The following MTHFS variants were observed in gnomAD, a reference collection of about 807,000 sequenced individuals.
The protein encoded by MTHFS is methenyltetrahydrofolate synthetase, also known as 5-formyltetrahydrofolate cyclo-ligase.
A neutral mutation model predicts 12.7 loss-of-function variants in MTHFS; 7 were observed. That is an observed-to-expected ratio of 0.55 (90% CI 0.31 to 1.03). The LOEUF is 1.03. Among genes scored for constraint, MTHFS ranks in the 50% least tolerant of loss-of-function variants. The pLI is 0.05. For missense variants in MTHFS, 252 were observed against 258.1 expected (o/e 0.98, Z 0.16); for synonymous variants, 100 against 97.1 (o/e 1.03, Z -0.18).
At chr15:79,862,477 G>A (rs2033933798) in intron 2 of MTHFS, among the ~76,000 whole-genome samples, 1 of 152,154 alleles carries the variant, frequency 6.6e-6, no homozygotes, top group South Asian at 2.1e-4. Context: ...GTGAGCAGCA[G>A]GACAATTCTT....
intron 1 of MTHFS, 103 bp from the exon 2 acceptor site, chr15:79,889,457 ATT>A: frequency 4.4e-6 from 6 of 1,349,338 alleles, no homozygotes; most frequent in East Asian, 2.7e-5. Context: ...TTCTTTAAAT[ATT>A]AAAAAGAAAA....
In MTHFS at chr15:79,845,415, C is replaced by A. The variant is rs2033594671; in HGVS notation, c.407G>T (p.Gly136Val). The A allele has an allele frequency of 6.2e-7, 1 of 1,613,936 alleles. No homozygotes were observed. The highest frequency in any genetic ancestry group is 1.3e-5 in the African/African-American group (1 of 74,870). ...TGGLDLIFMP[G>V]LGFDKHGNRL... ...GTTGCCATGTTTGTCAAACCCAAGG[C>A]CTGGCATGAAGATGAGATCAAGTCC... Residue 136 changes from glycine to valine, a missense_variant, in exon 3 of 3, where the codon GGC (glycine) becomes GTC (valine). Physicochemically the swap from Gly to Val is moderately radical, Grantham distance 109. Transcript: ENST00000258874.
chr15:79,855,072 C>A (rs2033776232), intron 2 of MTHFS, among the ~76,000 whole-genome samples: 5 of 152,134 alleles, frequency 3.3e-5, no homozygotes, highest in Admixed American at 3.3e-4. Flanking sequence ...TGAATCACTG[C>A]AACAGACACT....
intron 2 of MTHFS, among the ~76,000 whole-genome samples, chr15:79,859,958 A>G (rs770545509): frequency 2.0e-5 from 3 of 152,218 alleles, no homozygotes; most frequent in Non-Finnish European, 4.4e-5. Flanking sequence ...TATAAACTCA[A>G]GTGAAGTAAG....
chr15:79,862,517 A>AT (rs2033934452), intron 2 of MTHFS, among the ~76,000 whole-genome samples: 2 of 152,208 alleles, frequency 1.3e-5, no homozygotes, highest in Non-Finnish European at 2.9e-5. Context: ...CTCATTGATC[A>AT]TATCAGCCCT....
intron 2 of MTHFS, among the ~76,000 whole-genome samples, chr15:79,858,015 C>CAAAAAAA (rs71453466): frequency 1.3e-4 from 8 of 59,462 alleles, no homozygotes; most frequent in African/African-American, 1.9e-4. Context: ...GACTCCATCT[C>CAAAAAAA]AAAAAAAAAA....
intron 2 of MTHFS, among the ~76,000 whole-genome samples, chr15:79,879,321 CTTTTTTTTTTT>C (rs565488885): frequency 1.3e-5 from 1 of 79,330 alleles, no homozygotes; most frequent in Non-Finnish European, 2.3e-5. Context: ...AATTATTACC[CTTTTTTTTTTT>C]TTTTTTTTTT....
At chr15:79,855,907 C>T (rs572341102) in intron 2 of MTHFS, among the ~76,000 whole-genome samples, 19 of 152,284 alleles carry the variant, frequency 1.2e-4, no homozygotes, top group South Asian at 4.1e-4. Flanking sequence ...TTTCTTTATT[C>T]AGTCCACTAT....
rs931571401 is a variant in MTHFS, at chr15:79,894,012, G to GAAAC, written c.117+2859_117+2860insGTTT. On this transcript the variant is annotated intron_variant, in intron 1 of 2. Coordinates refer to ENST00000258874, the MANE Select transcript of MTHFS (RefSeq NM_006441.4). ...ATGGCAAAACACTACACAGTACACT[G>GAAAC]ATGTTTCCAGTGATGATCCATTGGT... Among the ~76,000 whole-genome samples, 578 of 152,308 alleles carry GAAAC rather than the reference G, an allele frequency of 3.8e-3. 3 individuals carry two copies. Among genetic ancestry groups the GAAAC allele is most frequent in the African/African-American group, 0.013 (552 of 41,566 alleles).
chr15:79,892,602 T>C (rs1464055016), intron 1 of MTHFS, among the ~76,000 whole-genome samples: 1 of 152,206 alleles, frequency 6.6e-6, no homozygotes, highest in East Asian at 1.9e-4. Context: ...CATAAAGTTA[T>C]GTCTTTTCTT....
chr15:79,865,024 T>C (rs1028059196), intron 2 of MTHFS, among the ~76,000 whole-genome samples: 1 of 152,224 alleles, frequency 6.6e-6, no homozygotes, highest in Non-Finnish European at 1.5e-5. Context: ...TTGTGATGTG[T>C]TTTCTCTTTG....
intron 2 of MTHFS, among the ~76,000 whole-genome samples, chr15:79,866,126 C>T (rs1004321390): frequency 8.0e-5 from 12 of 150,848 alleles, no homozygotes; most frequent in Non-Finnish European, 1.8e-4. Flanking sequence ...TGGTGGCATT[C>T]GAGAGGCTAA....
At chr15:79,893,439 C>T (rs1296803266) in intron 1 of MTHFS, among the ~76,000 whole-genome samples, 2 of 151,876 alleles carry the variant, frequency 1.3e-5, no homozygotes, top group Non-Finnish European at 2.9e-5. Flanking sequence ...TGGCTCACGC[C>T]TGTAATCCCA....
intron 2 of MTHFS, among the ~76,000 whole-genome samples, chr15:79,872,942 T>G (rs1031426233): frequency 6.6e-6 from 1 of 152,194 alleles, no homozygotes; most frequent in Admixed American, 6.5e-5. Flanking sequence ...CATAGGGCTG[T>G]GCACTTCTGA....
intron 2 of MTHFS, among the ~76,000 whole-genome samples, chr15:79,861,071 A>G (rs2033905007): frequency 6.6e-6 from 1 of 152,226 alleles, no homozygotes; most frequent in Non-Finnish European, 1.5e-5. Flanking sequence ...CGTCATCATC[A>G]TCATCAAGCA....
intron 1 of MTHFS, among the ~76,000 whole-genome samples, chr15:79,892,033 G>C (rs999351993): frequency 9.2e-5 from 14 of 151,470 alleles, no homozygotes; most frequent in Non-Finnish European, 1.3e-4. Context: ...TGGGGGCCAT[G>C]GGTGCTGAGC....
At chr15:79,892,883 G>A (rs556338024) in intron 1 of MTHFS, among the ~76,000 whole-genome samples, 18 of 152,156 alleles carry the variant, frequency 1.2e-4, no homozygotes, top group African/African-American at 4.3e-4. Context: ...CCCGGGAGGC[G>A]GAGGTTGCAG....
rs751966216 is a variant in MTHFS at position 79,896,976 on chromosome 15, C to G, written c.13G>C (p.Ala5Pro). Residue 5 changes from alanine (A) to proline (P), a missense_variant, in exon 1 of 3, where the codon GCG (alanine) becomes CCG (proline). Physicochemically the swap from Ala to Pro is conservative, Grantham distance 27. Coordinates refer to ENST00000258874, the MANE Select transcript of MTHFS (RefSeq NM_006441.4). MAAA[A>P]VSSAKRSLRG... ...AGGCTCCGCTTGGCGCTGCTCACCGCTGCCGCCGCCATCTCACGCCCAAGC... is the reference window on the plus strand; with the variant it reads ...AGGCTCCGCTTGGCGCTGCTCACCGGTGCCGCCGCCATCTCACGCCCAAGC... The G allele has an allele frequency of 2.8e-5, 43 of 1,530,432 alleles. No individual in the cohort carries two copies. Among genetic ancestry groups the G allele is most frequent in the East Asian group, 5.0e-5 (2 of 40,098 alleles). The allele number at this position is 1,530,432 out of a possible 1,614,324, so 94.8% of individuals were successfully genotyped here.
intron 2 of MTHFS, among the ~76,000 whole-genome samples, chr15:79,882,199 T>C (rs1462974097): frequency 6.6e-6 from 1 of 152,264 alleles, no homozygotes; most frequent in Non-Finnish European, 1.5e-5. Flanking sequence ...CTGTAACTCA[T>C]ATTAAAATAT....
Sources: allele counts gnomAD v4.1 joint callset (sites outside exome capture counted in the v4.1 genomes callset), GRCh38; gene constraint gnomAD v4.1.1; transcripts MANE v1.5; gene names NCBI Gene and HGNC (gene_info 2026-07-23, HGNC 2026-07-21).